The following RB1 variants were observed in gnomAD, a reference collection of about 807,000 sequenced individuals.
The protein encoded by RB1 is RB transcriptional corepressor 1.
RB1 carries 18 observed loss-of-function variants against 135.4 expected under a neutral mutation model. The ratio of observed to expected loss-of-function variants is 0.13; its 90% CI spans 0.09 to 0.20. RB1 has a LOEUF of 0.20. Ranked by LOEUF, RB1 falls within the 10% of genes least tolerant of loss-of-function variation. The pLI is 1.00. For missense variants in RB1, 868 were observed against 1,110.0 expected (o/e 0.78, Z 3.10); for synonymous variants, 365 against 373.2 (o/e 0.98, Z 0.25).
intron 2 of RB1, among the ~76,000 whole-genome samples, chr13:48,329,126 G>A (rs1010455042): frequency 6.6e-6 from 1 of 152,044 alleles, no homozygotes; most frequent in Non-Finnish European, 1.5e-5. Flanking sequence ...ATTTAGCAGA[G>A]TTTTGGAGTA....
chr13:48,416,661 A>G (rs1297836674), intron 17 of RB1: 2 of 152,324 alleles, frequency 1.3e-5, no homozygotes, highest in Non-Finnish European at 2.9e-5. Flanking sequence ...ACCCCCACAG[A>G]GCCCAGCAAG....
chr13:48,312,146 G>A (rs2854342), intron 2 of RB1, among the ~76,000 whole-genome samples: 118,172 of 152,132 alleles, frequency 0.78, 51,793 homozygotes, highest in Non-Finnish European at 0.97. Flanking sequence ...TCCACATATC[G>A]ATTCCACTTT....
intron 17 of RB1, among the ~76,000 whole-genome samples, chr13:48,388,067 A>G (rs1948583862): frequency 6.6e-6 from 1 of 152,168 alleles, no homozygotes; most frequent in African/African-American, 2.4e-5. Context: ...TAAATTGTTT[A>G]TTATCTATAT....
intron 17 of RB1, among the ~76,000 whole-genome samples, chr13:48,440,878 C>T (rs1477998063): frequency 6.6e-6 from 1 of 152,090 alleles, no homozygotes; most frequent in African/African-American, 2.4e-5. Context: ...ATTTTAAACT[C>T]TCATCTGTAT....
At chr13:48,453,747 A>G (rs1406352043) in intron 18 of RB1, among the ~76,000 whole-genome samples, 2 of 152,220 alleles carry the variant, frequency 1.3e-5, no homozygotes, top group Non-Finnish European at 2.9e-5. Context: ...TGGAGGGGAA[A>G]GAAAAAGGGT....
chr13:48,449,775 G>C (rs1289564647), intron 17 of RB1, among the ~76,000 whole-genome samples: 1 of 152,138 alleles, frequency 6.6e-6, no homozygotes, highest in Non-Finnish European at 1.5e-5. Context: ...AAATAAGTCA[G>C]TTTATTGCCG....
At chr13:48,370,497 G>A (rs1450456327) in intron 11 of RB1, among the ~76,000 whole-genome samples, 1 of 152,170 alleles carries the variant, frequency 6.6e-6, no homozygotes, top group African/African-American at 2.4e-5. Context: ...GGGTTCCCAT[G>A]ACACCTCTTA....
chr13:48,356,292 C>T (rs944221475), intron 6 of RB1, among the ~76,000 whole-genome samples: 1 of 151,880 alleles, frequency 6.6e-6, no homozygotes, highest in Admixed American at 6.6e-5. Flanking sequence ...AGTGCATTCA[C>T]GAATATAATT....
At chr13:48,322,135 T>A (rs1017905634) in intron 2 of RB1, among the ~76,000 whole-genome samples, 2 of 152,202 alleles carry the variant, frequency 1.3e-5, no homozygotes, top group African/African-American at 4.8e-5. Flanking sequence ...AGATTCCACA[T>A]ATAAATGAGA....
intron 17 of RB1, among the ~76,000 whole-genome samples, chr13:48,446,905 G>C (rs1158272030): frequency 6.6e-6 from 1 of 152,162 alleles, no homozygotes; most frequent in Non-Finnish European, 1.5e-5. Flanking sequence ...GCAGGGTTTT[G>C]AGTGTGGAGG....
chr13:48,436,228 A>G (rs1949182211), intron 17 of RB1, among the ~76,000 whole-genome samples: 1 of 152,204 alleles, frequency 6.6e-6, no homozygotes, highest in Non-Finnish European at 1.5e-5. Context: ...AACCTATTAT[A>G]TTTGAGATGT....
intron 18 of RB1, among the ~76,000 whole-genome samples, chr13:48,453,380 G>T (rs1949340733): frequency 6.6e-6 from 1 of 152,160 alleles, no homozygotes; most frequent in Admixed American, 6.5e-5. Context: ...TTTCAATGTG[G>T]AAACTGGAGA....
intron 17 of RB1, among the ~76,000 whole-genome samples, chr13:48,452,052 A>G (rs540888641): frequency 1.3e-5 from 2 of 152,010 alleles, no homozygotes; most frequent in East Asian, 1.9e-4. Context: ...ATTTTTTCAA[A>G]AAATAAGCTC....
At chr13:48,443,906 A>G (rs1167658943) in intron 17 of RB1, among the ~76,000 whole-genome samples, 1 of 152,172 alleles carries the variant, frequency 6.6e-6, no homozygotes, top group East Asian at 1.9e-4. Context: ...TGTGTAGGAA[A>G]AAACTCTCTC....
At chr13:48,377,251 A>G (rs1952836564) in intron 13 of RB1, among the ~76,000 whole-genome samples, 1 of 152,232 alleles carries the variant, frequency 6.6e-6, no homozygotes, top group African/African-American at 2.4e-5. Flanking sequence ...AAAGGAACAC[A>G]TAGCCATTGT....
At chr13:48,313,745 C>CTTTTTTT (rs56131979) in intron 2 of RB1, among the ~76,000 whole-genome samples, 37 of 101,956 alleles carry the variant, frequency 3.6e-4, no homozygotes, top group Non-Finnish European at 5.2e-4. Flanking sequence ...TATGTTTATT[C>CTTTTTTT]TTTTTTTTTT....
chr13:48,328,360 T>C, intron 2 of RB1: 1 of 1,549,308 alleles, frequency 6.5e-7, no homozygotes, highest in East Asian at 2.2e-5. Context: ...TTGATGGATA[T>C]GGGTGATGCT....
In RB1 at chr13:48,356,323, T is replaced by TA. The variant is rs530580031; in HGVS notation, c.608-3693dup. The stretch of plus-strand genomic sequence containing the variant: ...TAATTTTCTAAAACTAGGTTCATAT[T>TA]ACAGTGCTACCTTTAAAATATAAAA... On this transcript the variant is annotated intron_variant, in intron 6 of 26. Transcript: ENST00000267163. Among the ~76,000 whole-genome samples, 7 of 152,204 alleles carry TA rather than the reference T, an allele frequency of 4.6e-5. No homozygotes were observed. The East Asian group carries it at 1.3e-3, about 29-fold the overall frequency.
rs1392558445 is a variant in RB1, at chr13:48,347,022, AT to A, written c.501-795del. ...AGGAGTGATTTGGGGTACAGTTCTG[AT>A]TTTTTTTCCTGCTATAGTAATTTCG... On this transcript the variant is annotated intron_variant, in intron 4 of 26. Coordinates refer to ENST00000267163, the MANE Select transcript of RB1 (RefSeq NM_000321.3). Among the ~76,000 whole-genome samples the A allele has an allele frequency of 2.6e-5, 4 of 151,170 alleles. No individual in the cohort carries two copies. The East Asian group carries it at 7.8e-4, about 29-fold the overall frequency.
Sources: allele counts gnomAD v4.1 joint callset (sites outside exome capture counted in the v4.1 genomes callset), GRCh38; gene constraint gnomAD v4.1.1; transcripts MANE v1.5; gene names NCBI Gene and HGNC (gene_info 2026-07-23, HGNC 2026-07-21).